DTWD2: variants seen among roughly 807,000 people sequenced by gnomAD.
The protein encoded by DTWD2 is tRNA-uridine aminocarboxypropyltransferase 2.
DTWD2 carries 39 observed loss-of-function variants against 31.8 expected under a neutral mutation model. The observed-to-expected ratio is 1.22, with a 90% confidence interval of 0.95 to 1.60. DTWD2 has a LOEUF of 1.60. DTWD2 is among the 40% of genes most tolerant of loss of function. The pLI, the probability that DTWD2 is intolerant of heterozygous loss-of-function variation, is 0.00. For missense variants in DTWD2, 515 were observed against 381.5 expected (o/e 1.35, Z -2.92); for synonymous variants, 180 against 142.8 (o/e 1.26, Z -1.86).
At chr5:118,908,622 C>G (rs1340551147) in intron 4 of DTWD2, among the ~76,000 whole-genome samples, 3 of 146,980 alleles carry the variant, frequency 2.0e-5, no homozygotes, top group Non-Finnish European at 3.0e-5. Context: ...GGGAAACCGA[C>G]AAAACAAATG....
intron 4 of DTWD2, among the ~76,000 whole-genome samples, chr5:118,893,153 A>G (rs1753009833): frequency 6.6e-6 from 1 of 152,058 alleles, no homozygotes; most frequent in Non-Finnish European, 1.5e-5. Flanking sequence ...AGGCGAGCCA[A>G]TGCTTAAGAT....
chr5:118,938,805 T>C (rs1475588430), intron 3 of DTWD2, among the ~76,000 whole-genome samples: 4 of 30,156 alleles, frequency 1.3e-4, no homozygotes, highest in South Asian at 9.1e-4. Flanking sequence ...ACAAGAACCC[T>C]ACCAAAAAAA....
intron 4 of DTWD2, among the ~76,000 whole-genome samples, chr5:118,869,056 A>G (rs749693205): frequency 1.3e-5 from 2 of 152,156 alleles, no homozygotes; most frequent in African/African-American, 4.8e-5. Flanking sequence ...CACAAAAAAA[A>G]GGAAAGTTAT....
intron 1 of DTWD2, among the ~76,000 whole-genome samples, chr5:118,971,249 G>GC (rs1754980619): frequency 6.6e-6 from 1 of 152,098 alleles, no homozygotes; most frequent in Non-Finnish European, 1.5e-5. Flanking sequence ...CATCTCACAT[G>GC]CAAAGACACA....
intron 1 of DTWD2, among the ~76,000 whole-genome samples, chr5:118,947,749 C>T (rs1561466959): frequency 6.6e-6 from 1 of 152,196 alleles, no homozygotes; most frequent in Non-Finnish European, 1.5e-5. Context: ...TAGAATTTCT[C>T]TGCCTCCTGT....
At chr5:118,932,167 CACAACAACAACAAAAACA>C (rs1256685198) in intron 3 of DTWD2, among the ~76,000 whole-genome samples, 1 of 151,666 alleles carries the variant, frequency 6.6e-6, no homozygotes, top group African/African-American at 2.4e-5. Flanking sequence ...TCCTTAAAAA[CACAACAACAACAAAAACA>C]ACAACAACAA....
At chr5:118,846,794 GA>G (rs929733602) in intron 5 of DTWD2, among the ~76,000 whole-genome samples, 1 of 152,042 alleles carries the variant, frequency 6.6e-6, no homozygotes, top group Non-Finnish European at 1.5e-5. Flanking sequence ...AGAGGAGATG[GA>G]AAGGTGTCTG....
At chr5:118,932,734 C>A (rs1041109850) in intron 3 of DTWD2, among the ~76,000 whole-genome samples, 15 of 152,234 alleles carry the variant, frequency 9.9e-5, no homozygotes, top group Middle Eastern at 3.4e-3. Context: ...GAGAGGGCAA[C>A]CAACTGTAAG....
At chr5:118,893,226 T>C (rs1184287235) in intron 4 of DTWD2, among the ~76,000 whole-genome samples, 2 of 151,652 alleles carry the variant, frequency 1.3e-5, no homozygotes, top group African/African-American at 2.4e-5. Context: ...AATACAAAAA[T>C]TAGTATGCTC....
intron 1 of DTWD2, among the ~76,000 whole-genome samples, chr5:118,979,858 G>T (rs1412395995): frequency 6.6e-6 from 1 of 152,224 alleles, no homozygotes; most frequent in Non-Finnish European, 1.5e-5. Context: ...GGAGGGCAGG[G>T]GGTGGGAGAG....
chr5:118,840,262 C>T lies in DTWD2; in HGVS notation c.*655G>A, dbSNP rs1217278280. 2 of 152,122 alleles carry T rather than the reference C, an allele frequency of 1.3e-5. No homozygotes were observed. Among genetic ancestry groups the T allele is most frequent in the Non-Finnish European group, 2.9e-5 (2 of 68,016 alleles). 9.4% of individuals were successfully genotyped at this position (152,122 alleles called of 1,614,324 possible). On this transcript the variant is annotated 3_prime_UTR_variant, in exon 6 of 6. Coordinates refer to ENST00000510708, the MANE Select transcript of DTWD2 (RefSeq NM_173666.4). ...AGAGTCAATAAGCCTGTTCAATGAA[C>T]ACTGAAAAATACAAATTTATCCAGA...
intron 5 of DTWD2, among the ~76,000 whole-genome samples, chr5:118,845,432 T>G (rs1029335510): frequency 2.0e-5 from 3 of 152,230 alleles, no homozygotes; most frequent in Non-Finnish European, 4.4e-5. Context: ...AAAGGCTGGA[T>G]GTGGGGTTCC....
chr5:118,848,066 A>C, intron 5 of DTWD2, 24 bp downstream of exon 5: 1 of 1,477,584 alleles, frequency 6.8e-7, no homozygotes, highest in East Asian at 2.5e-5. Flanking sequence ...CACTTTGAAA[A>C]ACTATAACCT....
At chr5:118,874,590 C>T (rs1185717237) in intron 4 of DTWD2, among the ~76,000 whole-genome samples, 1 of 151,814 alleles carries the variant, frequency 6.6e-6, no homozygotes. Context: ...GCAGAACAGA[C>T]CAAGTGGAGG....
At chr5:118,853,505 C>T (rs967900473) in intron 4 of DTWD2, among the ~76,000 whole-genome samples, 1 of 152,030 alleles carries the variant, frequency 6.6e-6, no homozygotes, top group Admixed American at 6.6e-5. Flanking sequence ...ACCTAGGTGC[C>T]CATCACTGGT....
At position 118,847,966 on chromosome 5, in the gene DTWD2, A is replaced by C. The variant is rs1018559495; in HGVS notation, c.726+124T>G. On this transcript the variant is annotated intron_variant, in intron 5 of 5. Transcript: ENST00000510708. ...GGAAACAAGGTTATAAAAGTACATAAATTTCTAACACAGAAGATTCTACTT... is the reference window on the plus strand; with the variant it reads ...GGAAACAAGGTTATAAAAGTACATACATTTCTAACACAGAAGATTCTACTT... The C allele has an allele frequency of 7.2e-6, 8 of 1,106,588 alleles. No individual in the cohort carries two copies. The African/African-American group carries it at 1.3e-4, about 18-fold the overall frequency. 68.5% of individuals were successfully genotyped at this position (1,106,588 alleles called of 1,614,324 possible). A position where few individuals can be genotyped will look rare whatever the true frequency, so the allele number is the denominator to read the frequency against.
chr5:118,851,650 G>A (rs1752008451), intron 4 of DTWD2, among the ~76,000 whole-genome samples: 1 of 142,540 alleles, frequency 7.0e-6, no homozygotes, highest in East Asian at 2.1e-4. Flanking sequence ...GAGAACACAT[G>A]GACACAGGAA....
At chr5:118,871,087 G>A (rs1752491369) in intron 4 of DTWD2, among the ~76,000 whole-genome samples, 1 of 152,002 alleles carries the variant, frequency 6.6e-6, no homozygotes, top group East Asian at 1.9e-4. Context: ...TTCACCAGGA[G>A]TAGATTCCAT....
intron 4 of DTWD2, among the ~76,000 whole-genome samples, chr5:118,860,009 G>T (rs954560735): frequency 1.3e-5 from 2 of 151,880 alleles, no homozygotes; most frequent in Non-Finnish European, 2.9e-5. Flanking sequence ...TCCCAGATAC[G>T]TGGGGAGCTG....
Sources: allele counts gnomAD v4.1 joint callset (sites outside exome capture counted in the v4.1 genomes callset), GRCh38; gene constraint gnomAD v4.1.1; transcripts MANE v1.5; gene names NCBI Gene and HGNC (gene_info 2026-07-23, HGNC 2026-07-21).